Variants in INSL6 observed in about 807,000 individuals in gnomAD.
The protein encoded by INSL6 is insulin like 6.
In INSL6, 16 loss-of-function variants were observed where a neutral mutation model predicts 9.4. That is an observed-to-expected ratio of 1.70 (90% CI 1.15 to 2.59). The LOEUF (loss-of-function observed/expected upper bound fraction) is 2.59. Among genes scored for constraint, INSL6 ranks in the 30% most tolerant of loss-of-function variants. INSL6 has a pLI of 0.00. For missense variants in INSL6, 391 were observed against 257.3 expected, an observed-to-expected ratio of 1.52 and a Z score of -3.56; for synonymous variants, 154 against 96.9, an observed-to-expected ratio of 1.59 and a Z score of -3.46.
At chr9:5,089,699 G>A in the INSL6 span, 7 of 1,461,782 alleles carry the variant, frequency 4.8e-6, no homozygotes, top group Non-Finnish European at 5.4e-6. Flanking sequence ...GTGGAGATGT[G>A]CCGGTATGAC....
chr9:5,180,313 TG>T (rs1400982781), intron 1 of INSL6, among the ~76,000 whole-genome samples: 1 of 152,168 alleles, frequency 6.6e-6, no homozygotes, highest in Non-Finnish European at 1.5e-5. Flanking sequence ...ATGAAATCAG[TG>T]CACCTTGAAA....
the INSL6 span, among the ~76,000 whole-genome samples, chr9:5,103,786 T>G: frequency 6.6e-6 from 1 of 152,108 alleles, no homozygotes; most frequent in Non-Finnish European, 1.5e-5. Flanking sequence ...CACAACTTCA[T>G]GGAAATTGAA....
the INSL6 span, among the ~76,000 whole-genome samples, chr9:5,072,002 A>C: frequency 6.6e-6 from 1 of 152,180 alleles, no homozygotes; most frequent in Non-Finnish European, 1.5e-5. Context: ...GATCATAACA[A>C]TCCTATGGGA....
chr9:5,056,391 G>C, the INSL6 span, among the ~76,000 whole-genome samples: 1 of 151,874 alleles, frequency 6.6e-6, no homozygotes, highest in Non-Finnish European at 1.5e-5. Flanking sequence ...TTTTAACTCA[G>C]ATGCTTCTTG....
At chr9:5,150,535 C>T (rs1182065787) in intron 2 of INSL6, among the ~76,000 whole-genome samples, 17 of 152,124 alleles carry the variant, frequency 1.1e-4, no homozygotes, top group Non-Finnish European at 2.4e-4. Context: ...TGACATCTTA[C>T]ACTAGTCAGA....
chr9:5,128,296 A>G (rs1176559444), intron 3 of INSL6: 1 of 225,764 alleles, frequency 4.4e-6, no homozygotes, highest in Admixed American at 5.7e-5. Flanking sequence ...TACTTAAAGC[A>G]TTTTTAAAGC....
the INSL6 span, among the ~76,000 whole-genome samples, chr9:5,037,615 C>G: frequency 5.9e-5 from 9 of 152,104 alleles, no homozygotes; most frequent in Non-Finnish European, 1.3e-4. Context: ...GGACAAAAAA[C>G]CAAACACTGC....
the INSL6 span, chr9:5,091,088 G>T: frequency 4.1e-6 from 2 of 483,706 alleles, no homozygotes; most frequent in East Asian, 3.5e-5. Flanking sequence ...AGTCCACGTG[G>T]GAAAATGGCA....
the INSL6 span, chr9:5,086,084 T>C: frequency 1.2e-5 from 8 of 640,754 alleles, no homozygotes; most frequent in East Asian, 2.5e-4. Context: ...ACAAGTCAAG[T>C]CCCTTCTGCC....
At chr9:5,021,991 G>A in the INSL6 span, 7 of 1,611,506 alleles carry the variant, frequency 4.3e-6, no homozygotes, top group Admixed American at 1.7e-5. Context: ...ACTCTGCATG[G>A]GAATGGCCTG....
intron 1 of INSL6, among the ~76,000 whole-genome samples, chr9:5,180,676 C>T (rs1199275361): frequency 1.3e-5 from 2 of 152,114 alleles, no homozygotes; most frequent in African/African-American, 4.8e-5. Flanking sequence ...CAGACTGGTT[C>T]TCTGCTCTCA....
Position 5,185,299 on chromosome 9 carries a change from G to A in INSL6, c.289+15C>T, listed in dbSNP as rs376302288. 2.5e-6 allele frequency: 4 copies of A among 1,613,932 alleles called. No homozygotes were observed. The highest frequency in any genetic ancestry group is 2.2e-5 in the East Asian group (1 of 44,874). On this transcript the variant is annotated intron_variant, in intron 1 of 1. Transcript: ENST00000381641. ...TACAGAGGTGAACAAACATGCCTTCGGTTTCGATTTTTACCTGGGTTTGTG... is the reference window on the plus strand; with the variant it reads ...TACAGAGGTGAACAAACATGCCTTCAGTTTCGATTTTTACCTGGGTTTGTG...
At chr9:5,072,511 G>C in the INSL6 span, 1 of 1,589,404 alleles carries the variant, frequency 6.3e-7, no homozygotes, top group Non-Finnish European at 8.6e-7. Flanking sequence ...CTTGGCCAAG[G>C]CACTTTTACA....
intron 2 of INSL6, among the ~76,000 whole-genome samples, chr9:5,142,046 G>T (rs1040813447): frequency 5.9e-5 from 9 of 152,230 alleles, no homozygotes; most frequent in Non-Finnish European, 1.2e-4. Flanking sequence ...TCTTATTTCT[G>T]TGTTCTCTAT....
chr9:5,117,395 G>A, the INSL6 span, among the ~76,000 whole-genome samples: 1 of 152,164 alleles, frequency 6.6e-6, no homozygotes, highest in African/African-American at 2.4e-5. Context: ...CTCTACTTTT[G>A]TTATAGAACA....
chr9:5,009,437 T>C, the INSL6 span, among the ~76,000 whole-genome samples: 1 of 148,622 alleles, frequency 6.7e-6, no homozygotes, highest in African/African-American at 2.5e-5. Flanking sequence ...CTAGTCAGGA[T>C]TTTTTTTTTT....
the INSL6 span, among the ~76,000 whole-genome samples, chr9:5,116,621 C>G: frequency 6.6e-6 from 1 of 152,128 alleles, no homozygotes; most frequent in Non-Finnish European, 1.5e-5. Context: ...TTTGGTTATA[C>G]TTAATGAATA....
intron 3 of INSL6, among the ~76,000 whole-genome samples, chr9:5,129,872 C>T (rs1397255534): frequency 6.6e-6 from 1 of 152,046 alleles, no homozygotes; most frequent in Non-Finnish European, 1.5e-5. Flanking sequence ...AGACTGTATA[C>T]CTAAATATTA....
intron 2 of INSL6, among the ~76,000 whole-genome samples, chr9:5,150,679 A>G (rs541441734): frequency 6.6e-6 from 1 of 152,282 alleles, no homozygotes; most frequent in Non-Finnish European, 1.5e-5. Flanking sequence ...AGAAAACTAA[A>G]AATACAACTA....
Sources: allele counts gnomAD v4.1 joint callset (sites outside exome capture counted in the v4.1 genomes callset), GRCh38; gene constraint gnomAD v4.1.1; transcripts MANE v1.5; gene names NCBI Gene and HGNC (gene_info 2026-07-23, HGNC 2026-07-21).